The following PIK3CD variants were observed in gnomAD, a reference collection of about 807,000 sequenced individuals.
PIK3CD encodes the protein phosphatidylinositol 4,5-bisphosphate 3-kinase catalytic subunit delta isoform.
A neutral mutation model predicts 122.9 loss-of-function variants in PIK3CD; 20 were observed. That is an observed-to-expected ratio of 0.16 (90% confidence interval 0.11 to 0.24). The LOEUF (loss-of-function observed/expected upper bound fraction) is 0.24, where lower values mean the gene tolerates loss of function less well. PIK3CD is among the 10% of genes least tolerant of loss of function. The pLI is 1.00. For synonymous variants in PIK3CD, 596 were observed against 593.4 expected (o/e 1.00, Z -0.06); for missense variants, 787 against 1,406.3 (o/e 0.56, Z 7.04).
chr1:9,673,324 A>G (rs1489541447), intron 1 of PIK3CD, among the ~76,000 whole-genome samples: 1 of 151,894 alleles, frequency 6.6e-6, no homozygotes, highest in Non-Finnish European at 1.5e-5. Context: ...TAATGGTGCG[A>G]TCTCAGCTCA....
In PIK3CD at chr1:9,724,253, C is replaced by T. The variant is rs375012549; in HGVS notation, c.2719-23C>T. ...CCTGTCTGACACCTTCTCAATCCTCCCCCTCCTCTCCCCTCCCCTCAGCTG... is the reference window on the plus strand; with the variant it reads ...CCTGTCTGACACCTTCTCAATCCTCTCCCTCCTCTCCCCTCCCCTCAGCTG... On this transcript the variant is annotated intron_variant, in intron 21 of 23. Coordinates refer to ENST00000377346, the MANE Select transcript of PIK3CD (RefSeq NM_005026.5). The surrounding 1 kb of genome is among the most constrained non-coding windows in gnomAD (Gnocchi z 7.3). The T allele has an allele frequency of 2.5e-6, 4 of 1,613,840 alleles. No individual in the cohort carries two copies. The African/African-American group carries it at 4.0e-5, about 16-fold the overall frequency.
rs1646110347 is a variant in PIK3CD, at chr1:9,689,519, G to T, written c.-137-1948G>T. Among the ~76,000 whole-genome samples the T allele has an allele frequency of 6.9e-6, 1 of 144,276 alleles. No homozygotes were observed. The highest frequency in any genetic ancestry group is 2.1e-4 in the South Asian group (1 of 4,700). 94.7% of individuals were successfully genotyped at this position (144,276 alleles called of 152,430 possible). The stretch of plus-strand genomic sequence containing the variant: ...CGGCGCCCCGCCCCGCCTGCCAGTA[G>T]TCCCAGCCCCGCCCCGGGCCGCGCC... On this transcript the variant is annotated intron_variant, in intron 1 of 23. Coordinates refer to ENST00000377346, the MANE Select transcript of PIK3CD (RefSeq NM_005026.5). The surrounding 1 kb of genome is among the most constrained non-coding windows in gnomAD (Gnocchi z 6.1).
Position 9,728,496 on chromosome 1 carries a change from T to TCAA in PIK3CD, c.*1453_*1455dup, listed in dbSNP as rs1403017475. The TCAA allele has an allele frequency of 6.6e-6, 1 of 152,190 alleles. No individual in the cohort carries two copies. The highest frequency in any genetic ancestry group is 1.5e-5 in the Non-Finnish European group (1 of 68,064). 9.4% of individuals were successfully genotyped at this position (152,190 alleles called of 1,614,324 possible). A position where few individuals can be genotyped will look rare whatever the true frequency, so the allele number is the denominator to read the frequency against. ...TGATTTCTCAAAGGTCTTCCAAAAC[T>TCAA]CAACAGAGCCAGAAGTAGCCGCCCG... is the stretch of plus-strand genomic sequence containing the variant. On this transcript the variant is annotated 3_prime_UTR_variant, in exon 24 of 24. Coordinates refer to ENST00000377346, the MANE Select transcript of PIK3CD (RefSeq NM_005026.5).
rs1009084187 is a variant in PIK3CD, at chr1:9,704,847, T to C, written c.-32-5577T>C. Reference sequence around the variant, plus strand: ...AAGTTTTGAAACAAAAGGAAGACTTTGGCTTGGCCATTCTCAGCAAGAGGA... The same window carrying C: ...AAGTTTTGAAACAAAAGGAAGACTTCGGCTTGGCCATTCTCAGCAAGAGGA... On this transcript the variant is annotated intron_variant, in intron 2 of 23. Transcript: ENST00000377346. This position sits in a 1 kb window ranked among gnomAD's most constrained non-coding sequence, Gnocchi z 5.0. Among the ~76,000 whole-genome samples, 3 of 152,210 alleles carry C rather than the reference T, an allele frequency of 2.0e-5. No individual in the cohort carries two copies. The highest frequency in any genetic ancestry group is 4.4e-5 in the Non-Finnish European group (3 of 68,040).
At position 9,700,092 on chromosome 1, in the gene PIK3CD, T is replaced by A. The variant is rs1039167865; in HGVS notation, c.-33+8521T>A. 3.9e-5 allele frequency among the ~76,000 whole-genome samples: 6 copies of A among 152,236 alleles called. No homozygotes were observed. The highest frequency in any genetic ancestry group is 8.8e-5 in the Non-Finnish European group (6 of 68,036). ...TTTACTACCTGAAGCATCTTGTTTA[T>A]CTATTTGTTTTCTTTTTAACTTTGT... On this transcript the variant is annotated intron_variant, in intron 2 of 23. Coordinates refer to ENST00000377346, the MANE Select transcript of PIK3CD (RefSeq NM_005026.5). This position sits in a 1 kb window ranked among gnomAD's most constrained non-coding sequence, Gnocchi z 5.1.
chr1:9,691,007 C>T (rs1646177745), intron 1 of PIK3CD, among the ~76,000 whole-genome samples: 1 of 152,182 alleles, frequency 6.6e-6, no homozygotes, highest in South Asian at 2.1e-4. Context: ...TCCTTTTTAT[C>T]TCCAGCCCAA....
the PIK3CD span, among the ~76,000 whole-genome samples, chr1:9,633,879 G>A: frequency 1.1e-4 from 16 of 152,166 alleles, no homozygotes; most frequent in Admixed American, 9.8e-4. Flanking sequence ...TCTTAAGAGG[G>A]ACCAGAGACC....
Position 9,657,427 on chromosome 1 carries a change from G to A in PIK3CD, c.-138+5625G>A, listed in dbSNP as rs1010301536. Among the ~76,000 whole-genome samples, 4 of 152,140 alleles carry A rather than the reference G, an allele frequency of 2.6e-5. No homozygotes were observed. The South Asian group carries it at 6.2e-4, about 24-fold the overall frequency. On this transcript the variant is annotated intron_variant, in intron 1 of 23. Transcript: ENST00000377346. The stretch of plus-strand genomic sequence containing the variant: ...GTGCGGTTATCTTTGCAGGGAAGCC[G>A]CCCTGTTCTGCCACTTTCCCCTGGG...
the PIK3CD span, among the ~76,000 whole-genome samples, chr1:9,630,493 A>C: frequency 6.6e-6 from 1 of 152,220 alleles, no homozygotes; most frequent in Admixed American, 6.5e-5. Flanking sequence ...GGTGCCAGAC[A>C]CAGGGGAGCA....
At chr1:9,709,215 A>G (rs1313098822) in intron 2 of PIK3CD, among the ~76,000 whole-genome samples, 1 of 151,920 alleles carries the variant, frequency 6.6e-6, no homozygotes, top group Admixed American at 6.6e-5. Flanking sequence ...TTTTTAGTAG[A>G]GACAGGGTTT....
rs1308132323 is a variant in PIK3CD at position 9,689,570 on chromosome 1, A to C, written c.-137-1897A>C. On this transcript the variant is annotated intron_variant, in intron 1 of 23. Coordinates refer to ENST00000377346, the MANE Select transcript of PIK3CD (RefSeq NM_005026.5). The surrounding 1 kb of genome is among the most constrained non-coding windows in gnomAD (Gnocchi z 6.1). ...CCTCCGCCGAGCCCCGCTTGCCTGCACCTCGCGCGGCGGGCCTGCCCTCCG... is the reference window on the plus strand; with the variant it reads ...CCTCCGCCGAGCCCCGCTTGCCTGCCCCTCGCGCGGCGGGCCTGCCCTCCG... Among the ~76,000 whole-genome samples, 2 of 142,972 alleles carry C rather than the reference A, an allele frequency of 1.4e-5. No homozygotes were observed. The highest frequency in any genetic ancestry group is 5.2e-5 in the African/African-American group (2 of 38,224). The allele number at this position is 142,972 out of a possible 152,430, so 93.8% of individuals were successfully genotyped here.
chr1:9,668,610 T>C (rs1261060782), intron 1 of PIK3CD, among the ~76,000 whole-genome samples: 1 of 152,118 alleles, frequency 6.6e-6, no homozygotes, highest in Admixed American at 6.6e-5. Flanking sequence ...TGTAGTCTTT[T>C]ATCCCTCACC....
intron 1 of PIK3CD, among the ~76,000 whole-genome samples, chr1:9,662,890 T>C (rs1196300354): frequency 6.6e-6 from 1 of 152,166 alleles, no homozygotes; most frequent in Non-Finnish European, 1.5e-5. Context: ...GGTTTCACCA[T>C]GTTGGCCAGG....
the PIK3CD span, among the ~76,000 whole-genome samples, chr1:9,637,577 TGAA>T: frequency 6.6e-6 from 1 of 151,818 alleles, no homozygotes; most frequent in East Asian, 1.9e-4. Context: ...GTCAGAAGTC[TGAA>T]GTCTCGGTGG....
chr1:9,677,852 A>G (rs925310779), intron 1 of PIK3CD, among the ~76,000 whole-genome samples: 2 of 151,938 alleles, frequency 1.3e-5, no homozygotes, highest in Admixed American at 1.3e-4. Flanking sequence ...TGGCAGAGTA[A>G]GAAAAAAAAG....
At chr1:9,692,208 C>T (rs1646221400) in intron 2 of PIK3CD, among the ~76,000 whole-genome samples, 1 of 152,206 alleles carries the variant, frequency 6.6e-6, no homozygotes, top group African/African-American at 2.4e-5. Context: ...AGCTCCATGA[C>T]TGCGAGACCT....
rs1470259835 is a variant in PIK3CD, at chr1:9,689,784, G to A, written c.-137-1683G>A. Among the ~76,000 whole-genome samples the A allele has an allele frequency of 6.6e-6, 1 of 151,622 alleles. No homozygotes were observed. Among genetic ancestry groups the A allele is most frequent in the Admixed American group, 6.6e-5 (1 of 15,248 alleles). On this transcript the variant is annotated intron_variant, in intron 1 of 23. Coordinates refer to ENST00000377346, the MANE Select transcript of PIK3CD (RefSeq NM_005026.5). This position sits in a 1 kb window ranked among gnomAD's most constrained non-coding sequence, Gnocchi z 6.1. ...CGTGCCCCGCCCCCAGCCCCGCCGGGCGTCCCACCCCGCCCAGCCCCGGGC... is the reference window on the plus strand; with the variant it reads ...CGTGCCCCGCCCCCAGCCCCGCCGGACGTCCCACCCCGCCCAGCCCCGGGC...
chr1:9,664,753 G>A (rs1038456560), intron 1 of PIK3CD, among the ~76,000 whole-genome samples: 1 of 152,160 alleles, frequency 6.6e-6, no homozygotes, highest in Non-Finnish European at 1.5e-5. Flanking sequence ...GAGGATCCCT[G>A]CTCATGTGAG....
the PIK3CD span, among the ~76,000 whole-genome samples, chr1:9,643,182 G>A: frequency 2.6e-5 from 4 of 152,062 alleles, no homozygotes; most frequent in East Asian, 5.8e-4. Context: ...GCCAAGACAG[G>A]TGGATCACCG....
Sources: allele counts gnomAD v4.1 joint callset (sites outside exome capture counted in the v4.1 genomes callset), GRCh38; gene constraint gnomAD v4.1.1; non-coding constraint Gnocchi (gnomAD v3.1); transcripts MANE v1.5; gene names NCBI Gene and HGNC (gene_info 2026-07-23, HGNC 2026-07-21).